Variants in MMP26 observed in about 807,000 individuals in gnomAD.
The protein encoded by MMP26 is matrix metalloproteinase-26.
Under a neutral mutation model 31.0 loss-of-function variants are expected in MMP26, and 33 were observed. The observed-to-expected ratio is 1.06, with a 90% CI of 0.81 to 1.42. The LOEUF is 1.42. Ranked by LOEUF, MMP26 falls within the 40% of genes most tolerant of loss-of-function variation. The pLI is 0.00. For missense variants in MMP26, 347 were observed against 316.1 expected (o/e 1.10, Z -0.74); for synonymous variants, 122 against 114.9 (o/e 1.06, Z -0.40).
rs150244489 is a variant in MMP26 at position 4,829,966 on chromosome 11, C to T, written c.-145+62625C>T. Among the ~76,000 whole-genome samples, 212 of 152,242 alleles carry T rather than the reference C, an allele frequency of 1.4e-3. 1 individual carries two copies. Among genetic ancestry groups the T allele is most frequent in the African/African-American group, 4.7e-3 (196 of 41,536 alleles). ...GGAACAGGATCACATCAGTTAAAGC[C>T]GTCACTGTGATTCAGAGCCTGCTCA... On this transcript the variant is annotated intron_variant, in intron 2 of 7. Coordinates refer to ENST00000380390, the MANE Select transcript of MMP26 (RefSeq NM_021801.5).
intron 1 of MMP26, chr11:4,752,725 A>T (rs1337330616): frequency 1.3e-5 from 2 of 152,358 alleles, no homozygotes; most frequent in Non-Finnish European, 2.9e-5. Flanking sequence ...TTGAGCCAGA[A>T]TATTCCCAGC....
At chr11:4,941,186 T>A (rs1048582118) in intron 2 of MMP26, among the ~76,000 whole-genome samples, 1 of 152,222 alleles carries the variant, frequency 6.6e-6, no homozygotes, top group South Asian at 2.1e-4. Flanking sequence ...GAATCAGTCA[T>A]GATATTTTAT....
At chr11:4,959,604 T>C (rs1037448067) in intron 2 of MMP26, among the ~76,000 whole-genome samples, 2 of 152,178 alleles carry the variant, frequency 1.3e-5, no homozygotes, top group African/African-American at 4.8e-5. Flanking sequence ...CTTGCTTCCA[T>C]ACCATTGCTT....
rs897888129 is a variant in MMP26, at chr11:4,724,269, A to G, written c.-217+19224A>G. On this transcript the variant is annotated intron_variant, in intron 1 of 7. Coordinates refer to ENST00000380390, the MANE Select transcript of MMP26 (RefSeq NM_021801.5). ...TACCATAAGTCTTGCTTCTGCCAGC[A>G]TTTAAAACCCCAGGAAAAGCAGGAT... is the stretch of plus-strand genomic sequence containing the variant. The G allele has an allele frequency of 2.7e-5, 10 of 371,614 alleles. No individual in the cohort carries two copies. The South Asian group carries it at 5.5e-4, about 20-fold the overall frequency. 23.0% of individuals were successfully genotyped at this position (371,614 alleles called of 1,614,324 possible). A position where few individuals can be genotyped will look rare whatever the true frequency, so the allele number is the denominator to read the frequency against.
At chr11:4,723,310 A>G (rs1436135824) in intron 1 of MMP26, 2 of 1,000,948 alleles carry the variant, frequency 2.0e-6, no homozygotes, top group African/African-American at 3.2e-5. Flanking sequence ...CTTCCCAGCC[A>G]GCATCTGCAG....
At chr11:4,927,910 C>T (rs576823035) in intron 2 of MMP26, among the ~76,000 whole-genome samples, 1 of 152,194 alleles carries the variant, frequency 6.6e-6, no homozygotes, top group Non-Finnish European at 1.5e-5. Context: ...TATCATCTAT[C>T]ATGCCTGATC....
intron 2 of MMP26, among the ~76,000 whole-genome samples, chr11:4,842,446 C>G (rs1456696071): frequency 6.6e-6 from 1 of 152,136 alleles, no homozygotes; most frequent in Non-Finnish European, 1.5e-5. Flanking sequence ...AAGAAACTTA[C>G]AATCATGGTG....
chr11:4,869,296 G>T (rs1850280051), intron 2 of MMP26, among the ~76,000 whole-genome samples: 1 of 152,122 alleles, frequency 6.6e-6, no homozygotes, highest in African/African-American at 2.4e-5. Flanking sequence ...CAGAATGGGA[G>T]AAAATTTTTA....
rs1346783684 is a variant in MMP26 at position 4,832,762 on chromosome 11, A to G, written c.-145+65421A>G. On this transcript the variant is annotated intron_variant, in intron 2 of 7. Coordinates refer to ENST00000380390, the MANE Select transcript of MMP26 (RefSeq NM_021801.5). ...CGTTGCACTCTGCATGATGTCAGACAGTGTTTTTATTGCTATTTCCTATAT... is the reference window on the plus strand; with the variant it reads ...CGTTGCACTCTGCATGATGTCAGACGGTGTTTTTATTGCTATTTCCTATAT... The G allele has an allele frequency of 2.9e-5, 5 of 171,540 alleles. 1 individual carries two copies. The South Asian group carries it at 5.9e-4, about 20-fold the overall frequency. The allele number at this position is 171,540 out of a possible 1,614,324, so 10.6% of individuals were successfully genotyped here. A position where few individuals can be genotyped will look rare whatever the true frequency, so the allele number is the denominator to read the frequency against.
chr11:4,796,527 T>C (rs1589903191), intron 2 of MMP26, among the ~76,000 whole-genome samples: 2 of 152,338 alleles, frequency 1.3e-5, no homozygotes, highest in South Asian at 4.1e-4. Flanking sequence ...TTTCAGGACA[T>C]TGATCAATAA....
rs141428562 is a variant in MMP26 at position 4,799,970 on chromosome 11, T to C, written c.-145+32629T>C. On this transcript the variant is annotated intron_variant, in intron 2 of 7. Coordinates refer to ENST00000380390, the MANE Select transcript of MMP26 (RefSeq NM_021801.5). ...CTTGGGAAGTCCACCCCTGTAGCTT[T>C]GCAGGGTGTGGTCCCTGTGACTGCT... is the stretch of plus-strand genomic sequence containing the variant. Among the ~76,000 whole-genome samples, 1,414 of 152,328 alleles carry C rather than the reference T, an allele frequency of 9.3e-3. 26 individuals carry two copies. The highest frequency in any genetic ancestry group is 0.032 in the African/African-American group (1,335 of 41,574).
chr11:4,809,545 C>G (rs1849322514), intron 2 of MMP26, among the ~76,000 whole-genome samples: 1 of 152,162 alleles, frequency 6.6e-6, no homozygotes, highest in Non-Finnish European at 1.5e-5. Flanking sequence ...AAGATAAAAT[C>G]AACTGAGAGA....
chr11:4,779,958 C>T (rs1848836691), intron 2 of MMP26, among the ~76,000 whole-genome samples: 2 of 152,058 alleles, frequency 1.3e-5, no homozygotes, highest in Non-Finnish European at 1.5e-5. Flanking sequence ...CATTTTTGCT[C>T]CTTGAGTTTT....
chr11:4,836,651 CTTTTTTTTTTTT>C (rs71480270), intron 2 of MMP26, among the ~76,000 whole-genome samples: 3 of 95,960 alleles, frequency 3.1e-5, no homozygotes, highest in African/African-American at 1.4e-4. Flanking sequence ...TCAAAGACAT[CTTTTTTTTTTTT>C]TTTTTTTTTT....
chr11:4,976,221 A>G (rs2133636443), intron 2 of MMP26, among the ~76,000 whole-genome samples: 1 of 152,182 alleles, frequency 6.6e-6, no homozygotes. Flanking sequence ...CAGATACAGA[A>G]TGTCTTTTTA....
At position 4,759,783 on chromosome 11, in the gene MMP26, G is replaced by A. The variant is rs116120081; in HGVS notation, c.-216-7487G>A. ...CTTCATCTAATCCAAGGACAAAAAT[G>A]TCACCAGTTTGCACATGCGTTGTTT... On this transcript the variant is annotated intron_variant, in intron 1 of 7. Coordinates refer to ENST00000380390, the MANE Select transcript of MMP26 (RefSeq NM_021801.5). 5.2e-3 allele frequency among the ~76,000 whole-genome samples: 795 copies of A among 152,308 alleles called. 6 individuals are homozygous for A. Among genetic ancestry groups the A allele is most frequent in the African/African-American group, 0.018 (751 of 41,572 alleles).
At position 4,991,471 on chromosome 11, in the gene MMP26, T is replaced by G. The variant is rs746655542; in HGVS notation, c.570T>G (p.Asn190Lys). Residue 190 changes from asparagine to lysine, a missense_variant, in exon 6 of 8, where the codon AAT (asparagine) becomes AAG (lysine). Coordinates refer to ENST00000380390, the MANE Select transcript of MMP26 (RefSeq NM_021801.5). ...GNPGVVHFDK[N>K]EHWSASDTGY... Reference sequence around the variant, plus strand: ...CTGGAGTTGTCCATTTTGACAAGAATGAACACTGGTCAGCTTCAGACACTG... The same window carrying G: ...CTGGAGTTGTCCATTTTGACAAGAAGGAACACTGGTCAGCTTCAGACACTG... 6.2e-6 allele frequency: 10 copies of G among 1,613,832 alleles called. No individual in the cohort carries two copies. In the East Asian group the frequency reaches 1.1e-4, roughly 18 times the overall value.
At chr11:4,945,850 T>A in intron 2 of MMP26, 1 of 377,212 alleles carries the variant, frequency 2.7e-6, no homozygotes, top group South Asian at 2.8e-5. Context: ...ATGTAGATAA[T>A]GAGAAATCCA....
At chr11:4,727,195 C>G (rs1848112226) in intron 1 of MMP26, among the ~76,000 whole-genome samples, 1 of 151,916 alleles carries the variant, frequency 6.6e-6, no homozygotes, top group Non-Finnish European at 1.5e-5. Flanking sequence ...AAAATAAAAA[C>G]AAAAACAAAA....
Sources: gnomAD v4.1 joint callset for allele counts (sites outside exome capture counted in the v4.1 genomes callset) on GRCh38, gnomAD v4.1.1 for gene constraint, MANE v1.5 for transcripts, NCBI Gene and HGNC (gene_info 2026-07-23, HGNC 2026-07-21) for gene names.